YLPM1: variants seen among roughly 807,000 people sequenced by gnomAD.
YLPM1 encodes the protein YLP motif containing 1.
Under a neutral mutation model 230.0 loss-of-function variants are expected in YLPM1, and 99 were observed. That is an observed-to-expected ratio of 0.43 (90% CI 0.37 to 0.51). YLPM1 has a LOEUF of 0.51. Among genes scored for constraint, YLPM1 ranks in the 20% least tolerant of loss-of-function variants. The pLI is 0.00. For missense variants in YLPM1, 2,592 were observed against 2,707.7 expected, an observed-to-expected ratio of 0.96 and a Z score of 0.95; for synonymous variants, 984 against 942.5, an observed-to-expected ratio of 1.04 and a Z score of -0.81.
At chr14:74,825,231 G>A (rs2091552685) in intron 18 of YLPM1, among the ~76,000 whole-genome samples, 1 of 152,080 alleles carries the variant, frequency 6.6e-6, no homozygotes, top group South Asian at 2.1e-4. Flanking sequence ...ATGTGTTTCT[G>A]ACATCAGAGG....
At chr14:74,793,047 G>T (rs1017377140) in intron 4 of YLPM1, among the ~76,000 whole-genome samples, 2 of 152,140 alleles carry the variant, frequency 1.3e-5, no homozygotes, top group African/African-American at 4.8e-5. Context: ...ATCACATTGT[G>T]TAGGTGTTAT....
intron 18 of YLPM1, among the ~76,000 whole-genome samples, chr14:74,825,064 TA>T: frequency 6.6e-6 from 1 of 152,308 alleles, no homozygotes; most frequent in East Asian, 1.9e-4. Flanking sequence ...AACAATGTGC[TA>T]AGGACTTTTT....
chr14:74,770,509 C>G (rs1178141441), intron 1 of YLPM1, among the ~76,000 whole-genome samples: 1 of 151,616 alleles, frequency 6.6e-6, no homozygotes, highest in African/African-American at 2.4e-5. Context: ...CTTTTAATCT[C>G]AGCTACTTGG....
chr14:74,763,388 A>G lies in YLPM1; in HGVS notation c.-102A>G. ...TCCGTTTACACGCTCCGGGGCCTGT[A>G]GGCGCCGCGAGTTCCGGCTGTCGCC... On this transcript the variant is annotated 5_prime_UTR_variant, in exon 1 of 21. Coordinates refer to ENST00000325680, the MANE Select transcript of YLPM1 (RefSeq NM_019589.3). 7.4e-7 allele frequency: 1 copy of G among 1,348,846 alleles called. No individual in the cohort carries two copies. The allele number at this position is 1,348,846 out of a possible 1,614,324, so 83.6% of individuals were successfully genotyped here.
chr14:74,822,302 A>G (rs1363042497), intron 17 of YLPM1, among the ~76,000 whole-genome samples: 1 of 152,136 alleles, frequency 6.6e-6, no homozygotes, highest in East Asian at 1.9e-4. Flanking sequence ...GAAGTCTATA[A>G]TGTTTTAGCT....
intron 4 of YLPM1, among the ~76,000 whole-genome samples, chr14:74,792,855 C>T (rs2091220367): frequency 6.6e-6 from 1 of 152,140 alleles, no homozygotes; most frequent in African/African-American, 2.4e-5. Flanking sequence ...CCTCCATTTC[C>T]TGGAGTGCAT....
intron 1 of YLPM1, among the ~76,000 whole-genome samples, chr14:74,770,711 G>T (rs1198506066): frequency 6.6e-6 from 1 of 152,180 alleles, no homozygotes; most frequent in African/African-American, 2.4e-5. Context: ...AAAGCTCAGG[G>T]TGAGGATGGT....
intron 16 of YLPM1, 90 bp from the exon 17 acceptor site, chr14:74,820,966 CA>C (rs1346781805): frequency 2.3e-6 from 3 of 1,327,192 alleles, no homozygotes; most frequent in Non-Finnish European, 9.8e-7. Flanking sequence ...TTGCTCTGGG[CA>C]ACTGTATTCA....
intron 2 of YLPM1, among the ~76,000 whole-genome samples, 177 bp from the exon 3 acceptor site, chr14:74,780,228 A>G (rs967549341): frequency 7.9e-5 from 12 of 152,220 alleles, no homozygotes; most frequent in Admixed American, 4.6e-4. Context: ...AGATAGAGCT[A>G]TGTGTTTTAT....
chr14:74,781,218 T>G (rs1450683375), intron 3 of YLPM1, 116 bp from the exon 4 acceptor site: 25 of 1,139,310 alleles, frequency 2.2e-5, no homozygotes, highest in Non-Finnish European at 3.0e-5. Flanking sequence ...CCTCCCAAAG[T>G]CTTTAGTGTT....
At chr14:74,815,778 G>A (rs2091473702) in intron 11 of YLPM1, among the ~76,000 whole-genome samples, 1 of 151,862 alleles carries the variant, frequency 6.6e-6, no homozygotes, top group South Asian at 2.1e-4. Context: ...TCCTACTATA[G>A]GCATTTATAG....
intron 1 of YLPM1, among the ~76,000 whole-genome samples, chr14:74,775,077 C>G (rs2091020958): frequency 6.6e-6 from 1 of 152,110 alleles, no homozygotes; most frequent in Non-Finnish European, 1.5e-5. Flanking sequence ...ATCCTGGGAG[C>G]TGATGATTAT....
intron 4 of YLPM1, among the ~76,000 whole-genome samples, chr14:74,794,193 T>C (rs1265410207): frequency 1.3e-5 from 2 of 152,158 alleles, no homozygotes; most frequent in East Asian, 3.8e-4. Flanking sequence ...TCTCTCTCTT[T>C]TTTTTTTGAG....
rs1008137687 is a variant in YLPM1 at position 74,835,134 on chromosome 14, G to T, written c.6295-131G>T. The T allele has an allele frequency of 5.2e-6, 6 of 1,160,230 alleles. No individual in the cohort carries two copies. The Admixed American group carries it at 8.9e-5, about 17-fold the overall frequency. 71.9% of individuals were successfully genotyped at this position (1,160,230 alleles called of 1,614,324 possible). ...TATATGGCTTTTCCCAGTTTTCCTG[G>T]GTTAGTTTTTAATTTTTTAAACTTG... On this transcript the variant is annotated intron_variant, in intron 19 of 20. Transcript: ENST00000325680.
rs757094199 is a variant in YLPM1 at position 74,809,446 on chromosome 14, G to C, written c.4588G>C (p.Ala1530Pro). 98 of 1,602,458 alleles carry C rather than the reference G, an allele frequency of 6.1e-5. No individual in the cohort carries two copies. Among genetic ancestry groups the C allele is most frequent in the Non-Finnish European group, 7.8e-5 (91 of 1,173,912 alleles). ...KPPGSIVRPS[A>P]PPARSSVPVT... The stretch of plus-strand genomic sequence containing the variant: ...ACCAGGTTCAATTGTAAGACCCTCT[G>C]CTCCACCAGCAAGATCATCTGTTCC... Residue 1530 changes from alanine (A) to proline (P), a missense_variant, in exon 7 of 21, where the codon GCT (alanine) becomes CCT (proline). Ala to Pro is a conservative substitution (Grantham distance 27, BLOSUM62 -1). Around this residue, in one of 4 missense-constraint regions of YLPM1, gnomAD observed 403 missense variants for 426.7 expected, o/e 0.94. Coordinates refer to ENST00000325680, the MANE Select transcript of YLPM1 (RefSeq NM_019589.3).
intron 9 of YLPM1, among the ~76,000 whole-genome samples, chr14:74,811,285 C>T (rs1292855317): frequency 1.5e-4 from 23 of 152,002 alleles, no homozygotes; most frequent in Non-Finnish European, 2.9e-4. Context: ...AGTTCAAGAC[C>T]AGCCTGGCCA....
chr14:74,795,548 C>T (rs2091251519), intron 4 of YLPM1, among the ~76,000 whole-genome samples: 1 of 152,192 alleles, frequency 6.6e-6, no homozygotes, highest in Non-Finnish European at 1.5e-5. Context: ...TTTATTTCTA[C>T]TGGTGACAAA....
rs2091097872 is a variant in YLPM1, at chr14:74,781,867, A to G, written c.1824A>G (p.Pro608=). Residue 608 remains proline (P), a synonymous_variant, in exon 4 of 21, where the codon CCA becomes CCG. Coordinates refer to ENST00000325680, the MANE Select transcript of YLPM1 (RefSeq NM_019589.3). Reference sequence around the variant, plus strand: ...GGCCACCACCAGTTCTTCCCCCACCATCTCTCTCTTCAACAGCACCTCCAC... The same window carrying G: ...GGCCACCACCAGTTCTTCCCCCACCGTCTCTCTCTTCAACAGCACCTCCAC... ...SAGPPPVLPP[P]SLSSTAPPPV... is the part of the protein sequence containing the mutation. 4 of 1,603,982 alleles carry G rather than the reference A, an allele frequency of 2.5e-6. No individual in the cohort carries two copies. Among genetic ancestry groups the G allele is most frequent in the Non-Finnish European group, 3.4e-6 (4 of 1,176,916 alleles).
At chr14:74,794,087 C>G (rs2091234594) in intron 4 of YLPM1, among the ~76,000 whole-genome samples, 1 of 152,180 alleles carries the variant, frequency 6.6e-6, no homozygotes, top group Non-Finnish European at 1.5e-5. Context: ...CCTCCTCTCT[C>G]TGTTTATTAT....
Sources: gnomAD v4.1 joint callset for allele counts (sites outside exome capture counted in the v4.1 genomes callset) on GRCh38, gnomAD v4.1.1 for gene constraint, gnomAD v4.1.1 regional missense constraint, MANE v1.5 for transcripts, NCBI Gene and HGNC (gene_info 2026-07-23, HGNC 2026-07-21) for gene names.